The following LRRC52 variants were observed in gnomAD, a reference collection of about 807,000 sequenced individuals.
LRRC52 encodes the protein leucine-rich repeat-containing protein 52.
LRRC52 carries 15 observed loss-of-function variants against 14.7 expected under a neutral mutation model. That is an observed-to-expected ratio of 1.02 (90% CI 0.68 to 1.58). The LOEUF (loss-of-function observed/expected upper bound fraction) is 1.58, where lower values mean the gene tolerates loss of function less well. Ranked by LOEUF, LRRC52 falls within the 40% of genes most tolerant of loss-of-function variation. LRRC52 has a pLI of 0.00. For synonymous variants in LRRC52, 180 were observed against 163.9 expected (o/e 1.10, Z -0.75); for missense variants, 400 against 387.7 (o/e 1.03, Z -0.27).
intron 1 of LRRC52, among the ~76,000 whole-genome samples, chr1:165,561,143 C>T (rs779020424): frequency 2.0e-5 from 3 of 152,052 alleles, no homozygotes; most frequent in Non-Finnish European, 2.9e-5. Flanking sequence ...CAAAGCCACC[C>T]ACATCCCTCA....
At chr1:165,559,906 C>T (rs1661308958) in intron 1 of LRRC52, among the ~76,000 whole-genome samples, 1 of 152,190 alleles carries the variant, frequency 6.6e-6, no homozygotes, top group Non-Finnish European at 1.5e-5. Context: ...TGGCTGGAGC[C>T]TATCTTGGCA....
chr1:165,560,014 AG>A (rs1453242172), intron 1 of LRRC52, among the ~76,000 whole-genome samples: 2 of 152,176 alleles, frequency 1.3e-5, no homozygotes, highest in Non-Finnish European at 2.9e-5. Context: ...GGCACAATCT[AG>A]ACACACCAGT....
In LRRC52 at chr1:165,563,932, A is replaced by G. The variant is rs1317548148; in HGVS notation, c.*108A>G. 1.7e-6 allele frequency: 2 copies of G among 1,171,986 alleles called. No individual in the cohort carries two copies. Among genetic ancestry groups the G allele is most frequent in the Non-Finnish European group, 2.4e-6 (2 of 828,446 alleles). The allele number at this position is 1,171,986 out of a possible 1,614,324, so 72.6% of individuals were successfully genotyped here. A position where few individuals can be genotyped will look rare whatever the true frequency, so the allele number is the denominator to read the frequency against. On this transcript the variant is annotated 3_prime_UTR_variant, in exon 2 of 2. Coordinates refer to ENST00000294818, the MANE Select transcript of LRRC52 (RefSeq NM_001005214.4). ...GTCATAGAGATTGAAACCTTCTAGTAAAATAAATAAAATCTCTGATGGCCA... is the reference window on the plus strand; with the variant it reads ...GTCATAGAGATTGAAACCTTCTAGTGAAATAAATAAAATCTCTGATGGCCA...
At chr1:165,544,939 G>A (rs748632059) in intron 1 of LRRC52, 21 bp downstream of exon 1, 20 of 1,607,580 alleles carry the variant, frequency 1.2e-5, no homozygotes, top group Non-Finnish European at 1.6e-5. Context: ...GATTGGGTGT[G>A]GGGAAGAGGA....
intron 1 of LRRC52, among the ~76,000 whole-genome samples, chr1:165,553,200 T>C (rs1307433418): frequency 6.6e-6 from 1 of 152,046 alleles, no homozygotes; most frequent in Non-Finnish European, 1.5e-5. Context: ...TGCAACATAC[T>C]AAAGGGTCAA....
intron 1 of LRRC52, among the ~76,000 whole-genome samples, chr1:165,550,356 T>TGC (rs1661107408): frequency 6.6e-6 from 1 of 152,194 alleles, no homozygotes; most frequent in East Asian, 1.9e-4. Context: ...ACAGGGTAAA[T>TGC]AGTCTATATA....
At chr1:165,547,767 C>T (rs1661051782) in intron 1 of LRRC52, among the ~76,000 whole-genome samples, 1 of 152,208 alleles carries the variant, frequency 6.6e-6, no homozygotes, top group Admixed American at 6.5e-5. Context: ...TACATACACA[C>T]ACATAAATGT....
chr1:165,551,694 C>T (rs998264048), intron 1 of LRRC52, among the ~76,000 whole-genome samples: 3 of 152,116 alleles, frequency 2.0e-5, no homozygotes, highest in African/African-American at 7.2e-5. Flanking sequence ...GGGCCATCTG[C>T]AGGGAGCAGA....
chr1:165,562,806 G>T (rs2101835360), intron 1 of LRRC52, among the ~76,000 whole-genome samples: 1 of 152,196 alleles, frequency 6.6e-6, no homozygotes, highest in East Asian at 1.9e-4. Context: ...GACATAATCA[G>T]CCAGTGATGG....
chr1:165,550,230 C>T (rs1661103406), intron 1 of LRRC52, among the ~76,000 whole-genome samples: 1 of 152,162 alleles, frequency 6.6e-6, no homozygotes, highest in Non-Finnish European at 1.5e-5. Flanking sequence ...TTTCAGGAGG[C>T]TCTCGAAAAC....
At chr1:165,552,475 T>A (rs1301943770) in intron 1 of LRRC52, among the ~76,000 whole-genome samples, 2 of 152,094 alleles carry the variant, frequency 1.3e-5, no homozygotes, top group Non-Finnish European at 2.9e-5. Flanking sequence ...ACATGCAATA[T>A]ATCCTAAGAA....
chr1:165,558,449 A>G (rs201723175), intron 1 of LRRC52, among the ~76,000 whole-genome samples: 1 of 152,250 alleles, frequency 6.6e-6, no homozygotes, highest in East Asian at 1.9e-4. Flanking sequence ...GAACTGATGT[A>G]TAGTTTATTC....
chr1:165,554,424 G>GT (rs1661192560), intron 1 of LRRC52, among the ~76,000 whole-genome samples: 3 of 120,044 alleles, frequency 2.5e-5, no homozygotes, highest in African/African-American at 7.8e-5. Flanking sequence ...GCAATGATAG[G>GT]TGGTTGTTGT....
At chr1:165,552,711 G>A (rs1661158387) in intron 1 of LRRC52, among the ~76,000 whole-genome samples, 1 of 152,178 alleles carries the variant, frequency 6.6e-6, no homozygotes, top group Admixed American at 6.6e-5. Flanking sequence ...ATTAATAAAT[G>A]TGTATTCATT....
Position 165,561,108 on chromosome 1 carries a change from A to T in LRRC52, c.623-2397A>T, listed in dbSNP as rs151042936. ...GAAGAGGGGGAGATAATTCAGTGGG[A>T]GAGAAACCCAGGCCTCCCTCCCAAC... On this transcript the variant is annotated intron_variant, in intron 1 of 1. Coordinates refer to ENST00000294818, the MANE Select transcript of LRRC52 (RefSeq NM_001005214.4). Among the ~76,000 whole-genome samples the T allele has an allele frequency of 4.1e-3, 630 of 152,222 alleles. 5 individuals are homozygous for T. The highest frequency in any genetic ancestry group is 0.014 in the African/African-American group (595 of 41,534).
At chr1:165,558,995 A>G (rs926770177) in intron 1 of LRRC52, among the ~76,000 whole-genome samples, 8 of 152,266 alleles carry the variant, frequency 5.3e-5, no homozygotes, top group African/African-American at 1.9e-4. Flanking sequence ...AAGCATTACT[A>G]GAGATAATGA....
In LRRC52 at chr1:165,544,655, CTT is replaced by C; in HGVS notation, c.361_362del (p.Phe121LeufsTer88). 1 of 1,614,114 alleles carries C rather than the reference CTT, an allele frequency of 6.2e-7. No homozygotes were observed. Among genetic ancestry groups the C allele is most frequent in the Non-Finnish European group, 8.5e-7 (1 of 1,180,018 alleles). On this transcript the variant is annotated frameshift_variant, in exon 1 of 2. Transcript: ENST00000294818. LOFTEE classifies it high-confidence loss of function. Reference sequence around the variant, plus strand: ...AACCTAACCTCGATCTCCCCATTCACTTTCTCGGTGCTCAGCAACCTGGTGCA... The same window carrying C: ...AACCTAACCTCGATCTCCCCATTCACTCTCGGTGCTCAGCAACCTGGTGCA...
At chr1:165,561,205 G>A (rs985798852) in intron 1 of LRRC52, among the ~76,000 whole-genome samples, 1 of 152,124 alleles carries the variant, frequency 6.6e-6, no homozygotes, top group Non-Finnish European at 1.5e-5. Context: ...TCCTTTCAAA[G>A]TTAATGCTCC....
At chr1:165,551,551 G>A (rs147231625) in intron 1 of LRRC52, among the ~76,000 whole-genome samples, 108 of 152,302 alleles carry the variant, frequency 7.1e-4, no homozygotes, top group African/African-American at 2.4e-3. Context: ...GAGTGGGGCG[G>A]TTTGAGGACA....
Sources: allele counts gnomAD v4.1 joint callset (sites outside exome capture counted in the v4.1 genomes callset), GRCh38; gene constraint gnomAD v4.1.1; transcripts MANE v1.5; gene names NCBI Gene and HGNC (gene_info 2026-07-23, HGNC 2026-07-21).